Variants in NOTCH2NLC observed in about 807,000 individuals in gnomAD.
The protein encoded by NOTCH2NLC is notch 2 N-terminal like C, also known as notch homolog 2 N-terminal-like protein C.
A neutral mutation model predicts 17.7 loss-of-function variants in NOTCH2NLC; 4 were observed. The ratio of observed to expected loss-of-function variants is 0.23; its 90% confidence interval spans 0.11 to 0.52. The LOEUF (loss-of-function observed/expected upper bound fraction) is 0.52, where lower values mean the gene tolerates loss of function less well. Ranked by LOEUF, NOTCH2NLC falls within the 20% of genes least tolerant of loss-of-function variation. The pLI, the probability that NOTCH2NLC is intolerant of heterozygous loss-of-function variation, is 0.96. For missense variants in NOTCH2NLC, 57 were observed against 207.2 expected (o/e 0.28, Z 4.45); for synonymous variants, 18 against 86.0 (o/e 0.21, Z 4.38).
chr1:149,428,866 C>A (rs2084427428), intron 1 of NOTCH2NLC, among the ~76,000 whole-genome samples: 2 of 150,462 alleles, frequency 1.3e-5, no homozygotes, highest in African/African-American at 4.9e-5. Flanking sequence ...TCCTTTCCTA[C>A]TGTGACGGTT....
chr1:149,454,761 G>T (rs1449503963), intron 2 of NOTCH2NLC, among the ~76,000 whole-genome samples: 3 of 150,482 alleles, frequency 2.0e-5, no homozygotes, highest in African/African-American at 4.9e-5. Flanking sequence ...CTAGGTATCA[G>T]CCAATTGATG....
chr1:149,429,841 TCA>T (rs2084435787), intron 1 of NOTCH2NLC, among the ~76,000 whole-genome samples: 1 of 150,156 alleles, frequency 6.7e-6, no homozygotes, highest in Admixed American at 6.6e-5. Flanking sequence ...GGGGAACTTC[TCA>T]GTTTTGCTTT....
intron 1 of NOTCH2NLC, among the ~76,000 whole-genome samples, chr1:149,400,126 ATATATAATATATAT>A (rs2084234802): frequency 7.0e-6 from 1 of 142,356 alleles, no homozygotes; most frequent in Non-Finnish European, 1.5e-5. Flanking sequence ...ATATATATAT[ATATATAATATATAT>A]TTTTTTTTTA....
intron 1 of NOTCH2NLC, among the ~76,000 whole-genome samples, chr1:149,424,037 A>G (rs2084396635): frequency 7.9e-5 from 12 of 151,302 alleles, no homozygotes. Flanking sequence ...GATACTGAAA[A>G]GCATTGGAAA....
chr1:149,390,793 G>C lies in NOTCH2NLC; in HGVS notation c.6G>C (p.Trp2Cys). The change falls in exon 1 of 5, where the codon TGG becomes TGC. Residue 2 changes from tryptophan (W) to cysteine (C), a missense_variant. Trp to Cys is a radical substitution (Grantham distance 215). Coordinates refer to ENST00000650865, the MANE Select transcript of NOTCH2NLC (RefSeq NM_001364013.2). M[W>C]ICPGGGGGGG... ...TCTATCGGGACCCCCTCCCCATGTGGATCTGCCCAGGCGGCGGCGGCGGCG... is the reference window on the plus strand; with the variant it reads ...TCTATCGGGACCCCCTCCCCATGTGCATCTGCCCAGGCGGCGGCGGCGGCG... 2.6e-6 allele frequency: 1 copy of C among 384,324 alleles called. No individual in the cohort carries two copies. The highest frequency in any genetic ancestry group is 8.0e-4 in the Middle Eastern group (1 of 1,250). 23.8% of individuals were successfully genotyped at this position (384,324 alleles called of 1,614,324 possible). A position where few individuals can be genotyped will look rare whatever the true frequency, so the allele number is the denominator to read the frequency against.
intron 2 of NOTCH2NLC, among the ~76,000 whole-genome samples, chr1:149,449,664 AC>A (rs2084580164): frequency 6.6e-6 from 1 of 151,278 alleles, no homozygotes; most frequent in African/African-American, 2.4e-5. Context: ...CATAAAATTT[AC>A]CCTTTTAAAG....
Position 149,429,569 on chromosome 1 carries a change from TG to T in NOTCH2NLC, c.136-1372del, listed in dbSNP as rs1235073520. On this transcript the variant is annotated intron_variant, in intron 1 of 4. Coordinates refer to ENST00000650865, the MANE Select transcript of NOTCH2NLC (RefSeq NM_001364013.2). Reference sequence around the variant, plus strand: ...AGTGCCTGGTATTTAGTAAGTTCTATGTGTTAGCCTATTATTATTACTATTA... The same window carrying T: ...AGTGCCTGGTATTTAGTAAGTTCTATTGTTAGCCTATTATTATTACTATTA... Among the ~76,000 whole-genome samples, 24 of 151,148 alleles carry T rather than the reference TG, an allele frequency of 1.6e-4. 1 individual carries two copies. The highest frequency in any genetic ancestry group is 5.1e-4 in the African/African-American group (21 of 41,190).
chr1:149,398,190 T>C lies in NOTCH2NLC; in HGVS notation c.135+7268T>C, dbSNP rs1484989405. On this transcript the variant is annotated intron_variant, in intron 1 of 4. Transcript: ENST00000650865. The stretch of plus-strand genomic sequence containing the variant: ...GCTGGGCTTGTCTGCTGTCGTGAGC[T>C]GTCTGCCATTTTCCTCTTTCTTTGT... Among the ~76,000 whole-genome samples, 239 of 151,320 alleles carry C rather than the reference T, an allele frequency of 1.6e-3. 5 individuals are homozygous for C. Among genetic ancestry groups the C allele is most frequent in the Middle Eastern group, 0.01 (3 of 294 alleles).
intron 2 of NOTCH2NLC, among the ~76,000 whole-genome samples, chr1:149,444,899 C>A (rs1227756749): frequency 6.0e-5 from 9 of 148,808 alleles, no homozygotes; most frequent in African/African-American, 2.0e-4. Flanking sequence ...TTTTAAAGTT[C>A]TTTTTGTTTT....
At chr1:149,460,858 T>C (rs1344534758) in intron 3 of NOTCH2NLC, among the ~76,000 whole-genome samples, 15 of 830 alleles carry the variant, frequency 0.018, no homozygotes, top group East Asian at 0.027. Flanking sequence ...TTTCTCCCTT[T>C]CTTTCTTTCT....
chr1:149,413,561 G>A (rs1409685660), intron 1 of NOTCH2NLC, among the ~76,000 whole-genome samples: 1 of 150,926 alleles, frequency 6.6e-6, no homozygotes, highest in Non-Finnish European at 1.5e-5. Context: ...TTGATACAGC[G>A]GCCATGCCTG....
At chr1:149,434,015 G>A (rs1349965341) in intron 2 of NOTCH2NLC, among the ~76,000 whole-genome samples, 17 of 143,054 alleles carry the variant, frequency 1.2e-4, no homozygotes, top group African/African-American at 4.4e-4. Flanking sequence ...ATTGTTGATA[G>A]GATGGAATGC....
rs1166865199 is a variant in NOTCH2NLC at position 149,419,855 on chromosome 1, ATTTTTTTT to A, written c.136-11068_136-11061del. 7.2e-3 allele frequency among the ~76,000 whole-genome samples: 562 copies of A among 78,164 alleles called. 6 individuals are homozygous for A. The highest frequency in any genetic ancestry group is 0.016 in the Admixed American group (88 of 5,634). The allele number at this position is 78,164 out of a possible 152,430, so 51.3% of individuals were successfully genotyped here. On this transcript the variant is annotated intron_variant, in intron 1 of 4. Coordinates refer to ENST00000650865, the MANE Select transcript of NOTCH2NLC (RefSeq NM_001364013.2). ...GAAGTTCAGGAATATATATATATAT[ATTTTTTTT>A]TTTTTTTTTTTTTTTTTTCCTCAGG...
At chr1:149,460,872 T>C (rs1447838772) in intron 3 of NOTCH2NLC, among the ~76,000 whole-genome samples, 1,566 of 88,516 alleles carry the variant, frequency 0.018, 32 homozygotes, top group East Asian at 0.11. Flanking sequence ...TCTTTCTTTC[T>C]TTCTTTCTTT....
chr1:149,460,899 CTTTCTT>C (rs1294410623), intron 3 of NOTCH2NLC, among the ~76,000 whole-genome samples: 1 of 124,508 alleles, frequency 8.0e-6, no homozygotes, highest in Non-Finnish European at 1.8e-5. Flanking sequence ...TTCTTTCTTT[CTTTCTT>C]TCTTTCTTTC....
rs1451407966 is a variant in NOTCH2NLC, at chr1:149,471,430, T to C, written c.*7277T>C. Reference sequence around the variant, plus strand: ...AAAGATTTACTACTTCTAAGTGATTTATAATTTTACCACCTACCTTTAGGT... The same window carrying C: ...AAAGATTTACTACTTCTAAGTGATTCATAATTTTACCACCTACCTTTAGGT... On this transcript the variant is annotated 3_prime_UTR_variant, in exon 5 of 5. Coordinates refer to ENST00000650865, the MANE Select transcript of NOTCH2NLC (RefSeq NM_001364013.2). Among the ~76,000 whole-genome samples, 15 of 150,520 alleles carry C rather than the reference T, an allele frequency of 1.0e-4. No homozygotes were observed. In the East Asian group the frequency reaches 2.4e-3, roughly 24 times the overall value.
chr1:149,432,579 G>A (rs1465244736), intron 2 of NOTCH2NLC, among the ~76,000 whole-genome samples: 2 of 150,998 alleles, frequency 1.3e-5, no homozygotes, highest in African/African-American at 2.4e-5. Flanking sequence ...TAGTCTTTTT[G>A]TGGCATTTGG....
At position 149,390,875 on chromosome 1, in the gene NOTCH2NLC, T is replaced by G; in HGVS notation, c.88T>G (p.Cys30Gly). 4 of 1,439,512 alleles carry G rather than the reference T, an allele frequency of 2.8e-6. No individual in the cohort carries two copies. Among genetic ancestry groups the G allele is most frequent in the Non-Finnish European group, 3.6e-6 (4 of 1,102,966 alleles). 89.2% of individuals were successfully genotyped at this position (1,439,512 alleles called of 1,614,324 possible). Reference sequence around the variant, plus strand: ...AGATGCCCGCCCTGCGCCGCTCTGCTGTGGGCGCTGCTGGCGCTCTGGCTG... The same window carrying G: ...AGATGCCCGCCCTGCGCCGCTCTGCGGTGGGCGCTGCTGGCGCTCTGGCTG... Reference protein sequence around the residue: ...REDARPAPLCCGRCWRSGCAA... With the variant: ...REDARPAPLCGGRCWRSGCAA... The change falls in exon 1 of 5, where the codon TGT becomes GGT. Residue 30 changes from cysteine to glycine, a missense_variant. Transcript: ENST00000650865.
At chr1:149,429,160 T>C (rs2084429803) in intron 1 of NOTCH2NLC, among the ~76,000 whole-genome samples, 1 of 148,600 alleles carries the variant, frequency 6.7e-6, no homozygotes, top group Non-Finnish European at 1.5e-5. Flanking sequence ...GGTGACTCTT[T>C]GTGTGATCCC....
Sources: allele counts gnomAD v4.1 joint callset (sites outside exome capture counted in the v4.1 genomes callset), GRCh38; gene constraint gnomAD v4.1.1; transcripts MANE v1.5; gene names NCBI Gene and HGNC (gene_info 2026-07-23, HGNC 2026-07-21).